Variants in SPATA7 observed in about 807,000 individuals in gnomAD.
SPATA7 encodes spermatogenesis-associated protein 7.
In SPATA7, 43 loss-of-function variants were observed where a neutral mutation model predicts 51.8. That is an observed-to-expected ratio of 0.83 (90% confidence interval 0.65 to 1.07). SPATA7 has a LOEUF of 1.07. Ranked by LOEUF, SPATA7 falls within the 50% of genes least tolerant of loss-of-function variation. The pLI is 0.00. For synonymous variants in SPATA7, 230 were observed against 252.8 expected, an observed-to-expected ratio of 0.91 and a Z score of 0.86; for missense variants, 683 against 701.3, an observed-to-expected ratio of 0.97 and a Z score of 0.30.
chr14:88,412,972 G>A (rs944375646), intron 4 of SPATA7, among the ~76,000 whole-genome samples: 2 of 152,030 alleles, frequency 1.3e-5, no homozygotes, highest in Non-Finnish European at 2.9e-5. Flanking sequence ...TTGTAGCCTT[G>A]TAGTGTAGTT....
intron 6 of SPATA7, 42 bp downstream of exon 6, chr14:88,426,746 TAAATG>T (rs1385809542): frequency 8.6e-6 from 13 of 1,520,120 alleles, no homozygotes; most frequent in Non-Finnish European, 1.1e-5. Flanking sequence ...TTCAGGAAAT[TAAATG>T]AAAATTAATG....
At chr14:88,421,333 A>C (rs1302395354) in intron 5 of SPATA7, among the ~76,000 whole-genome samples, 4 of 152,066 alleles carry the variant, frequency 2.6e-5, no homozygotes, top group African/African-American at 9.7e-5. Context: ...ATGATCTCTT[A>C]AGAGCTTTGT....
intron 4 of SPATA7, among the ~76,000 whole-genome samples, chr14:88,464,817 G>A (rs151189468): frequency 1.9e-4 from 29 of 152,288 alleles, no homozygotes; most frequent in African/African-American, 6.3e-4. Context: ...CTCTTGGCAA[G>A]CTGCAGCTAA....
rs145633912 is a variant in SPATA7, at chr14:88,469,659, C to T, written c.255-188C>T. Reference sequence around the variant, plus strand: ...TGCGGAACCGGGTCGTGATCTTAAACCTTCCATAGGTGACAGTGTTGTGCC... The same window carrying T: ...TGCGGAACCGGGTCGTGATCTTAAATCTTCCATAGGTGACAGTGTTGTGCC... On this transcript the variant is annotated intron_variant, in intron 4 of 4. Coordinates refer to the SPATA7 transcript ENST00000556406. The surrounding 1 kb of genome is among the most constrained non-coding windows in gnomAD (Gnocchi z 4.3). 8 of 1,614,024 alleles carry T rather than the reference C, an allele frequency of 5.0e-6. No individual in the cohort carries two copies. The highest frequency in any genetic ancestry group is 1.1e-5 in the South Asian group (1 of 91,080).
intron 10 of SPATA7, among the ~76,000 whole-genome samples, chr14:88,437,203 TTG>T (rs142237850): frequency 0.01 from 1,537 of 148,130 alleles, 19 homozygotes; most frequent in African/African-American, 0.031. Flanking sequence ...TAGGGTTTGG[TTG>T]TGTGTGTGTG....
chr14:88,414,622 C>A (rs543166768), intron 4 of SPATA7: 14 of 378,596 alleles, frequency 3.7e-5, no homozygotes, highest in South Asian at 2.9e-4. Context: ...ATTCTACTTC[C>A]TCTAGTTGCA....
At chr14:88,451,452 A>C (rs1239968764) in intron 3 of SPATA7, among the ~76,000 whole-genome samples, 1 of 151,420 alleles carries the variant, frequency 6.6e-6, no homozygotes, top group Non-Finnish European at 1.5e-5. Flanking sequence ...TGCAGGCGTG[A>C]GCCACTGCTC....
chr14:88,467,866 T>C, intron 4 of SPATA7: 1 of 420,864 alleles, frequency 2.4e-6, no homozygotes, highest in Non-Finnish European at 4.2e-6. Flanking sequence ...ATCTCCAAAA[T>C]GTGTGCAAGT....
At chr14:88,415,397 A>G (rs1362821545) in intron 4 of SPATA7, 1 of 161,946 alleles carries the variant, frequency 6.2e-6, no homozygotes, top group African/African-American at 2.4e-5. Flanking sequence ...TGTTTGCATG[A>G]TAGGTCTTTC....
At chr14:88,426,170 C>A in intron 5 of SPATA7, 62 bp from the exon 6 acceptor site, 3 of 1,236,956 alleles carry the variant, frequency 2.4e-6, no homozygotes, top group South Asian at 2.5e-5. Context: ...TGTATAATCT[C>A]AAAATCCCCA....
intron 1 of SPATA7, among the ~76,000 whole-genome samples, chr14:88,388,371 T>G (rs938808227): frequency 6.6e-6 from 1 of 152,212 alleles, no homozygotes; most frequent in Non-Finnish European, 1.5e-5. Flanking sequence ...TGGGCTGCTC[T>G]CATATACCAG....
chr14:88,405,465 A>T (rs1319127750), intron 4 of SPATA7, among the ~76,000 whole-genome samples: 2 of 152,200 alleles, frequency 1.3e-5, no homozygotes, highest in Non-Finnish European at 2.9e-5. Flanking sequence ...ATGAGAAATA[A>T]TGGTGACTGG....
Position 88,396,504 on chromosome 14 carries a change from C to G in SPATA7, c.238+301C>G, listed in dbSNP as rs10162362. Among the ~76,000 whole-genome samples the G allele has an allele frequency of 6.5e-3, 988 of 152,206 alleles. 8 individuals carry two copies. The highest frequency in any genetic ancestry group is 0.023 in the African/African-American group (943 of 41,528). ...TATCTCTATGAATCTATTTTAGGTA[C>G]CTTATATAAGTGGAATCATATCGTG... On this transcript the variant is annotated intron_variant, in intron 4 of 11. Coordinates refer to ENST00000393545, the MANE Select transcript of SPATA7 (RefSeq NM_018418.5).
intron 4 of SPATA7, among the ~76,000 whole-genome samples, chr14:88,409,300 C>T (rs1008898935): frequency 1.3e-5 from 2 of 152,004 alleles, no homozygotes; most frequent in East Asian, 1.9e-4. Context: ...TTCAGGGATT[C>T]GACTTCTTGT....
At chr14:88,452,547 C>T (rs191054973) in intron 3 of SPATA7, among the ~76,000 whole-genome samples, 4 of 152,254 alleles carry the variant, frequency 2.6e-5, no homozygotes, top group Admixed American at 2.6e-4. Flanking sequence ...CCTACAGCAG[C>T]AATCCATCTC....
chr14:88,433,741 G>A (rs1188170559), intron 10 of SPATA7, among the ~76,000 whole-genome samples: 1 of 152,110 alleles, frequency 6.6e-6, no homozygotes, highest in Non-Finnish European at 1.5e-5. Flanking sequence ...AAGATTCATT[G>A]AGCACTGAGC....
intron 3 of SPATA7, among the ~76,000 whole-genome samples, chr14:88,448,839 C>T (rs141088971): frequency 0.038 from 5,762 of 152,108 alleles, 357 homozygotes; most frequent in African/African-American, 0.13. Flanking sequence ...GCAGTCTGCC[C>T]GTTCTCAGAT....
At chr14:88,412,841 A>G (rs970783616) in intron 4 of SPATA7, among the ~76,000 whole-genome samples, 5 of 152,114 alleles carry the variant, frequency 3.3e-5, no homozygotes, top group African/African-American at 7.2e-5. Context: ...TTTTGTTGCA[A>G]TTGCTTTTGA....
chr14:88,409,205 G>C (rs1237395194), intron 4 of SPATA7, among the ~76,000 whole-genome samples: 1 of 152,102 alleles, frequency 6.6e-6, no homozygotes, highest in Non-Finnish European at 1.5e-5. Flanking sequence ...AGAGGAATTA[G>C]ACTGTGAATC....
Sources: allele counts gnomAD v4.1 joint callset (sites outside exome capture counted in the v4.1 genomes callset), GRCh38; gene constraint gnomAD v4.1.1; non-coding constraint Gnocchi (gnomAD v3.1); transcripts MANE v1.5; gene names NCBI Gene and HGNC (gene_info 2026-07-23, HGNC 2026-07-21).